The following DEPDC1B variants were observed in gnomAD, a reference collection of about 807,000 sequenced individuals.
The protein encoded by DEPDC1B is DEP domain containing 1B.
A neutral mutation model predicts 66.5 loss-of-function variants in DEPDC1B; 51 were observed. That is an observed-to-expected ratio of 0.77 (90% CI 0.61 to 0.97). DEPDC1B has a LOEUF of 0.97. DEPDC1B is among the 50% of genes least tolerant of loss of function. DEPDC1B has a pLI of 0.00. For synonymous variants in DEPDC1B, 226 were observed against 223.6 expected, an observed-to-expected ratio of 1.01 and a Z score of -0.10; for missense variants, 552 against 637.1, an observed-to-expected ratio of 0.87 and a Z score of 1.44.
intron 2 of DEPDC1B, among the ~76,000 whole-genome samples, chr5:60,662,010 G>A (rs1371341139): frequency 6.6e-6 from 1 of 152,104 alleles, no homozygotes; most frequent in Non-Finnish European, 1.5e-5. Context: ...TACTGAGAAA[G>A]CATACCTCTT....
intron 2 of DEPDC1B, among the ~76,000 whole-genome samples, chr5:60,658,974 T>C (rs903404872): frequency 4.6e-5 from 7 of 152,204 alleles, no homozygotes; most frequent in Admixed American, 3.9e-4. Context: ...GAGACACCCA[T>C]TGCCGCTCCC....
In DEPDC1B at chr5:60,597,751, T is replaced by G; in HGVS notation, c.*2A>C. 1.2e-6 allele frequency: 2 copies of G among 1,612,458 alleles called. No individual in the cohort carries two copies. The highest frequency in any genetic ancestry group is 1.7e-6 in the Non-Finnish European group (2 of 1,179,362). On this transcript the variant is annotated 3_prime_UTR_variant, in exon 11 of 11. Coordinates refer to ENST00000265036, the MANE Select transcript of DEPDC1B (RefSeq NM_018369.3). ...CTAGCACCTGTTGCTGTGGAAGTATTATTACATTCGAAAACTTCTAGTTCT... is the reference window on the plus strand; with the variant it reads ...CTAGCACCTGTTGCTGTGGAAGTATGATTACATTCGAAAACTTCTAGTTCT...
At chr5:60,638,267 T>C (rs1753105728) in intron 7 of DEPDC1B, among the ~76,000 whole-genome samples, 2 of 152,204 alleles carry the variant, frequency 1.3e-5, no homozygotes, top group Non-Finnish European at 2.9e-5. Context: ...TAGCTACATG[T>C]TTTAATTAAT....
chr5:60,621,829 A>C (rs1401452186), intron 7 of DEPDC1B, among the ~76,000 whole-genome samples: 2 of 152,202 alleles, frequency 1.3e-5, no homozygotes, highest in African/African-American at 2.4e-5. Context: ...TCTTGAGCCT[A>C]AGCTCTTTCA....
At chr5:60,696,726 A>C (rs1264677040) in intron 1 of DEPDC1B, among the ~76,000 whole-genome samples, 1 of 152,226 alleles carries the variant, frequency 6.6e-6, no homozygotes, top group Non-Finnish European at 1.5e-5. Flanking sequence ...TATTAATTTC[A>C]GTCCCCTAGT....
intron 7 of DEPDC1B, among the ~76,000 whole-genome samples, chr5:60,634,828 G>T (rs375584070): frequency 3.6e-4 from 54 of 151,988 alleles, no homozygotes; most frequent in African/African-American, 1.1e-3. Flanking sequence ...TTGGTAGGCA[G>T]CAACAGTCAT....
At chr5:60,687,290 C>G (rs1311822409) in intron 1 of DEPDC1B, 63 bp from the exon 2 acceptor site, 1 of 1,525,578 alleles carries the variant, frequency 6.6e-7, no homozygotes, top group African/African-American at 1.4e-5. Flanking sequence ...TACTACATCT[C>G]AAATAATTAA....
intron 2 of DEPDC1B, among the ~76,000 whole-genome samples, chr5:60,676,378 A>G (rs1414594253): frequency 6.6e-6 from 1 of 152,014 alleles, no homozygotes; most frequent in African/African-American, 2.4e-5. Flanking sequence ...TTAAAGTATA[A>G]TAATGAAAAA....
chr5:60,667,596 GGATATTTTACATATATATA>G (rs1561383778), intron 2 of DEPDC1B, among the ~76,000 whole-genome samples: 13 of 140,490 alleles, frequency 9.3e-5, no homozygotes, highest in African/African-American at 3.6e-4. Flanking sequence ...ATATAAAAAT[GGATATTTTACATATATATA>G]AAAAATGGAT....
chr5:60,625,827 T>C (rs1362285556), intron 7 of DEPDC1B, among the ~76,000 whole-genome samples: 2 of 152,174 alleles, frequency 1.3e-5, no homozygotes, highest in East Asian at 1.9e-4. Context: ...TGTTCTTTTT[T>C]CTCTCTGTGC....
chr5:60,614,758 A>G lies in DEPDC1B; in HGVS notation c.899-8902T>C, dbSNP rs112366647. ...GTAATCCCAGCACTTTGGGCAGCCA[A>G]GGCGGGTGGATCACCTGAGGTCAGG... On this transcript the variant is annotated intron_variant, in intron 7 of 10. Coordinates refer to ENST00000265036, the MANE Select transcript of DEPDC1B (RefSeq NM_018369.3). Among the ~76,000 whole-genome samples the G allele has an allele frequency of 1.2e-3, 185 of 152,336 alleles. 2 individuals are homozygous for G. Among genetic ancestry groups the G allele is most frequent in the African/African-American group, 4.4e-3 (184 of 41,580 alleles).
chr5:60,599,368 T>G, intron 9 of DEPDC1B, 108 bp from the exon 10 acceptor site: 1 of 744,284 alleles, frequency 1.3e-6, no homozygotes, highest in Non-Finnish European at 1.9e-6. Flanking sequence ...AGCAATGCCA[T>G]GTTAGTCCTC....
intron 7 of DEPDC1B, chr5:60,628,273 T>C (rs1752846952): frequency 6.6e-6 from 1 of 152,232 alleles, no homozygotes; most frequent in African/African-American, 2.4e-5. Context: ...TTCAAATCAC[T>C]AGAAACACAA....
chr5:60,608,760 C>G (rs116128962), intron 7 of DEPDC1B, among the ~76,000 whole-genome samples: 1,800 of 152,106 alleles, frequency 0.012, 34 homozygotes, highest in African/African-American at 0.041. Flanking sequence ...TTACTAAACT[C>G]TAAACAACCA....
intron 10 of DEPDC1B, among the ~76,000 whole-genome samples, 178 bp from the exon 11 acceptor site, chr5:60,598,092 A>G (rs999433563): frequency 2.0e-5 from 3 of 152,160 alleles, no homozygotes; most frequent in Non-Finnish European, 2.9e-5. Flanking sequence ...CTAAGCTTCA[A>G]ATAAGTTCCC....
chr5:60,622,085 T>C (rs891868635), intron 7 of DEPDC1B, among the ~76,000 whole-genome samples: 5 of 152,198 alleles, frequency 3.3e-5, no homozygotes, highest in African/African-American at 9.7e-5. Context: ...TTTTGATTTA[T>C]AATTAAAATA....
intron 7 of DEPDC1B, among the ~76,000 whole-genome samples, chr5:60,615,005 GAATA>G (rs527832689): frequency 4.4e-4 from 67 of 151,910 alleles, no homozygotes; most frequent in Non-Finnish European, 8.2e-4. Flanking sequence ...ATAAATAAAT[GAATA>G]AATAAATAAA....
At chr5:60,616,887 G>C (rs1468015186) in intron 7 of DEPDC1B, among the ~76,000 whole-genome samples, 2 of 152,188 alleles carry the variant, frequency 1.3e-5, no homozygotes, top group Non-Finnish European at 2.9e-5. Context: ...CAGCCAGAGA[G>C]AAAGGTCAGG....
intron 1 of DEPDC1B, among the ~76,000 whole-genome samples, chr5:60,696,101 A>AATTTCTTTTTGTGAAGTTC (rs1754648502): frequency 6.6e-6 from 1 of 152,082 alleles, no homozygotes; most frequent in Non-Finnish European, 1.5e-5. Flanking sequence ...CCAGCGTGAA[A>AATTTCTTTTTGTGAAGTTC]ATTTCTTTTT....
Sources: gnomAD v4.1 joint callset for allele counts (sites outside exome capture counted in the v4.1 genomes callset) on GRCh38, gnomAD v4.1.1 for gene constraint, MANE v1.5 for transcripts, NCBI Gene and HGNC (gene_info 2026-07-23, HGNC 2026-07-21) for gene names.